The following RGMB variants were observed in gnomAD, a reference collection of about 807,000 sequenced individuals.
The protein encoded by RGMB is repulsive guidance molecule B.
RGMB carries 16 observed loss-of-function variants against 26.9 expected under a neutral mutation model. The observed-to-expected ratio is 0.60, with a 90% confidence interval of 0.40 to 0.90. RGMB has a LOEUF of 0.90. Among genes scored for constraint, RGMB ranks in the 40% least tolerant of loss-of-function variants. The pLI is 0.00. For missense variants in RGMB, 512 were observed against 573.3 expected, an observed-to-expected ratio of 0.89 and a Z score of 1.09; for synonymous variants, 225 against 229.3, an observed-to-expected ratio of 0.98 and a Z score of 0.17.
In RGMB at chr5:98,779,805, G is replaced by T. The variant is rs757457835; in HGVS notation, c.362G>T (p.Cys121Phe). 6.2e-7 allele frequency: 1 copy of T among 1,614,038 alleles called. No homozygotes were observed. The highest frequency in any genetic ancestry group is 8.5e-7 in the Non-Finnish European group (1 of 1,179,896). ...AGTGACCTCATGAGCCAGAGGAATT[G>T]TTCCAAGGATGGACCCACATCCTCT... ...GISDLMSQRN[C>F]SKDGPTSSTN... is the part of the protein sequence containing the mutation. Residue 121 changes from cysteine (C) to phenylalanine (F), a missense_variant, in exon 2 of 3, where the codon TGT (cysteine) becomes TTT (phenylalanine). Coordinates refer to ENST00000513185, the MANE Select transcript of RGMB (RefSeq NM_001366508.1).
intron 1 of RGMB, among the ~76,000 whole-genome samples, chr5:98,777,694 G>T (rs1746461471): frequency 6.6e-6 from 1 of 152,134 alleles, no homozygotes; most frequent in South Asian, 2.1e-4. Flanking sequence ...TTGAGTTCTA[G>T]TGAAAAATAG....
chr5:98,789,478 G>GT (rs369770105), intron 2 of RGMB, among the ~76,000 whole-genome samples: 130 of 146,514 alleles, frequency 8.9e-4, no homozygotes, highest in Admixed American at 1.1e-3. Context: ...CATTTAATAT[G>GT]TTTTTTTTTT....
At chr5:98,788,848 G>A (rs1052665589) in intron 2 of RGMB, among the ~76,000 whole-genome samples, 9 of 152,198 alleles carry the variant, frequency 5.9e-5, no homozygotes, top group African/African-American at 2.2e-4. Context: ...GAGAGAGCAT[G>A]TATATGTTTT....
chr5:98,787,108 C>T (rs929086152), intron 2 of RGMB, among the ~76,000 whole-genome samples: 3 of 152,186 alleles, frequency 2.0e-5, no homozygotes, highest in African/African-American at 7.2e-5. Context: ...GTCTTCCCCT[C>T]ACCCTACCAA....
intron 2 of RGMB, among the ~76,000 whole-genome samples, chr5:98,788,207 C>T (rs930717618): frequency 6.6e-6 from 1 of 152,182 alleles, no homozygotes; most frequent in Non-Finnish European, 1.5e-5. Flanking sequence ...GAGTTTTAAT[C>T]TGCCACTCAC....
chr5:98,778,082 G>A (rs1449602172), intron 1 of RGMB, among the ~76,000 whole-genome samples: 1 of 152,072 alleles, frequency 6.6e-6, no homozygotes, highest in Non-Finnish European at 1.5e-5. Context: ...TTAAAATTTT[G>A]CAAATTTAAA....
At chr5:98,782,234 G>T (rs1746629080) in intron 2 of RGMB, among the ~76,000 whole-genome samples, 1 of 152,176 alleles carries the variant, frequency 6.6e-6, no homozygotes, top group African/African-American at 2.4e-5. Flanking sequence ...TGCTCTTGAA[G>T]ACCTGTCTCA....
At position 98,795,886 on chromosome 5, in the gene RGMB, C is replaced by G. The variant is rs1005351055; in HGVS notation, c.*2133C>G. ...TATCATTAATAAATATACCTTTGCT[C>G]TTTTCAGGGAAAATAACAACCACCC... On this transcript the variant is annotated 3_prime_UTR_variant, in exon 3 of 3. Transcript: ENST00000513185. 1 of 152,090 alleles carries G rather than the reference C, an allele frequency of 6.6e-6. No homozygotes were observed. Among genetic ancestry groups the G allele is most frequent in the East Asian group, 1.9e-4 (1 of 5,198 alleles). 9.4% of individuals were successfully genotyped at this position (152,090 alleles called of 1,614,324 possible).
rs1747097365 is a variant in RGMB at position 98,795,668 on chromosome 5, G to GGTC, written c.*1915_*1916insGTC. ...TAGAGACGGACTGACCATCAGCTCT[G>GGTC]AACTGTGGCTTTTTTTGTTCACCTA... On this transcript the variant is annotated 3_prime_UTR_variant, in exon 3 of 3. Coordinates refer to ENST00000513185, the MANE Select transcript of RGMB (RefSeq NM_001366508.1). 6.6e-6 allele frequency: 1 copy of GGTC among 152,174 alleles called. No individual in the cohort carries two copies. Among genetic ancestry groups the GGTC allele is most frequent in the South Asian group, 2.1e-4 (1 of 4,820 alleles). The allele number at this position is 152,174 out of a possible 1,614,324, so 9.4% of individuals were successfully genotyped here.
intron 2 of RGMB, among the ~76,000 whole-genome samples, chr5:98,783,281 GCA>G (rs758724977): frequency 5.9e-5 from 9 of 152,120 alleles, no homozygotes; most frequent in Admixed American, 4.6e-4. Flanking sequence ...GGGGTGTCTG[GCA>G]CACACACATA....
chr5:98,774,093 C>T lies in RGMB; in HGVS notation c.23C>T (p.Ser8Phe). 1 of 1,204,428 alleles carries T rather than the reference C, an allele frequency of 8.3e-7. No individual in the cohort carries two copies. The highest frequency in any genetic ancestry group is 1.2e-6 in the Non-Finnish European group (1 of 857,142). The allele number at this position is 1,204,428 out of a possible 1,614,324, so 74.6% of individuals were successfully genotyped here. A position where few individuals can be genotyped will look rare whatever the true frequency, so the allele number is the denominator to read the frequency against. ...GGCATGGGCTTGAGAGCAGCACCTT[C>T]CAGCGCCGCCGCTGCCGCCGCCGAG... MGLRAAP[S>F]SAAAAAAEVE... The change falls in exon 1 of 3, where the codon TCC becomes TTC. Residue 8 changes from serine (S) to phenylalanine (F), a missense_variant. Physicochemically the swap from Ser to Phe is radical, Grantham distance 155. Coordinates refer to ENST00000513185, the MANE Select transcript of RGMB (RefSeq NM_001366508.1).
At chr5:98,780,277 G>T in intron 2 of RGMB, 189 bp downstream of exon 2, 1 of 553,810 alleles carries the variant, frequency 1.8e-6, no homozygotes, top group Non-Finnish European at 3.1e-6. Context: ...ATGTAAACGT[G>T]GTTCTAATTT....
rs1407741403 is a variant in RGMB, at chr5:98,773,767, G to C, written c.-304G>C. ...CTGGCTGGGGCCGGGGTGCCGGCGCGCTCGGGACTCGTCTCAGCAGTCGCT... is the reference window on the plus strand; with the variant it reads ...CTGGCTGGGGCCGGGGTGCCGGCGCCCTCGGGACTCGTCTCAGCAGTCGCT... On this transcript the variant is annotated 5_prime_UTR_variant, in exon 1 of 3. Transcript: ENST00000513185. 5.2e-6 allele frequency: 2 copies of C among 386,536 alleles called. No homozygotes were observed. The highest frequency in any genetic ancestry group is 4.6e-6 in the Non-Finnish European group (1 of 218,712). The allele number at this position is 386,536 out of a possible 1,614,324, so 23.9% of individuals were successfully genotyped here.
At position 98,794,032 on chromosome 5, in the gene RGMB, A is replaced by G. The variant is rs1580300261; in HGVS notation, c.*279A>G. 1 of 267,644 alleles carries G rather than the reference A, an allele frequency of 3.7e-6. No homozygotes were observed. Among genetic ancestry groups the G allele is most frequent in the East Asian group, 8.1e-5 (1 of 12,314 alleles). The allele number at this position is 267,644 out of a possible 1,614,324, so 16.6% of individuals were successfully genotyped here. A position where few individuals can be genotyped will look rare whatever the true frequency, so the allele number is the denominator to read the frequency against. ...CCTGTTAGAAAGCACTTTATTTTTT[A>G]TATATTAAATATTTATGTGTGTGCT... On this transcript the variant is annotated 3_prime_UTR_variant, in exon 3 of 3. Transcript: ENST00000513185.
intron 1 of RGMB, among the ~76,000 whole-genome samples, chr5:98,775,312 T>C (rs1746364427): frequency 6.6e-6 from 1 of 152,214 alleles, no homozygotes; most frequent in South Asian, 2.1e-4. Flanking sequence ...TAATTTACTT[T>C]GCGTAGCTTT....
upstream of RGMB, chr5:98,769,477 A>T (rs1222449663): frequency 6.6e-6 from 1 of 152,208 alleles, no homozygotes; most frequent in Non-Finnish European, 1.5e-5. Context: ...CCCGAGGCGG[A>T]GCCTCCCTCC....
chr5:98,778,398 G>A (rs1746480470), intron 1 of RGMB, among the ~76,000 whole-genome samples: 1 of 152,080 alleles, frequency 6.6e-6, no homozygotes. Flanking sequence ...GATATTTACT[G>A]TCTGGAAAAG....
chr5:98,793,448 C>A lies in RGMB; in HGVS notation c.1009C>A (p.Leu337Met). 6.2e-7 allele frequency: 1 copy of A among 1,612,550 alleles called. No homozygotes were observed. Among genetic ancestry groups the A allele is most frequent in the South Asian group, 1.1e-5 (1 of 90,742 alleles). The change falls in exon 3 of 3, where the codon CTG becomes ATG. Residue 337 changes from leucine to methionine, a missense_variant. Transcript: ENST00000513185. The stretch of plus-strand genomic sequence containing the variant: ...GGTGTCTGCCATCCTGGGACACAGC[C>A]TGCCTCGCACCTCCTTGGTGCAGGC... ...GQVSAILGHSLPRTSLVQAWP... is the reference protein window; with the variant it reads ...GQVSAILGHSMPRTSLVQAWP...
chr5:98,796,481 A>T lies in RGMB; in HGVS notation c.*2728A>T, dbSNP rs1160141274. ...TTATGCTAGAAAAATAAAGTTACAT[A>T]CCTTGCTGTGGAATGTCTGTTCTGT... On this transcript the variant is annotated 3_prime_UTR_variant, in exon 3 of 3. Transcript: ENST00000513185. 1 of 151,946 alleles carries T rather than the reference A, an allele frequency of 6.6e-6. No individual in the cohort carries two copies. The highest frequency in any genetic ancestry group is 1.5e-5 in the Non-Finnish European group (1 of 67,992). 9.4% of individuals were successfully genotyped at this position (151,946 alleles called of 1,614,324 possible). A position where few individuals can be genotyped will look rare whatever the true frequency, so the allele number is the denominator to read the frequency against.
Sources: allele counts gnomAD v4.1 joint callset (sites outside exome capture counted in the v4.1 genomes callset), GRCh38; gene constraint gnomAD v4.1.1; transcripts MANE v1.5; gene names NCBI Gene and HGNC (gene_info 2026-07-23, HGNC 2026-07-21).